FCHSD2: variants seen among roughly 807,000 people sequenced by gnomAD.
FCHSD2 encodes the protein FCH and double SH3 domains 2.
In FCHSD2, 38 loss-of-function variants were observed where a neutral mutation model predicts 108.1. The ratio of observed to expected loss-of-function variants is 0.35; its 90% CI spans 0.27 to 0.46. The LOEUF (loss-of-function observed/expected upper bound fraction) is 0.46. Ranked by LOEUF, FCHSD2 falls within the 20% of genes least tolerant of loss-of-function variation. FCHSD2 has a pLI of 1.00. For missense variants in FCHSD2, 751 were observed against 897.8 expected, an observed-to-expected ratio of 0.84 and a Z score of 2.09; for synonymous variants, 279 against 314.7, an observed-to-expected ratio of 0.89 and a Z score of 1.20.
At chr11:72,916,379 C>A (rs185081423) in intron 9 of FCHSD2, among the ~76,000 whole-genome samples, 2 of 144,912 alleles carry the variant, frequency 1.4e-5, no homozygotes, top group East Asian at 4.3e-4. Context: ...GTAGCATGAT[C>A]ATAGCCTGCT....
intron 11 of FCHSD2, among the ~76,000 whole-genome samples, chr11:72,888,987 C>T (rs540197933): frequency 1.3e-5 from 2 of 151,822 alleles, no homozygotes; most frequent in Non-Finnish European, 1.5e-5. Context: ...GACAGAGTCT[C>T]GCTGTCGCCC....
chr11:73,110,892 A>C (rs1565095516), intron 2 of FCHSD2, among the ~76,000 whole-genome samples: 1 of 151,948 alleles, frequency 6.6e-6, no homozygotes, highest in Non-Finnish European at 1.5e-5. Flanking sequence ...TGTTTTAATA[A>C]ATTTTTCAAT....
chr11:72,934,762 C>T (rs1856267003), intron 8 of FCHSD2, among the ~76,000 whole-genome samples: 1 of 151,978 alleles, frequency 6.6e-6, no homozygotes, highest in Non-Finnish European at 1.5e-5. Flanking sequence ...CTCCAATATG[C>T]AAAAACTTGG....
At chr11:73,097,877 T>C (rs377049362) in intron 2 of FCHSD2, among the ~76,000 whole-genome samples, 1 of 152,168 alleles carries the variant, frequency 6.6e-6, no homozygotes, top group African/African-American at 2.4e-5. Context: ...TCTTGCTATG[T>C]TATCCCAGTT....
intron 9 of FCHSD2, among the ~76,000 whole-genome samples, chr11:72,917,747 G>A (rs1433117287): frequency 1.3e-5 from 2 of 152,166 alleles, no homozygotes; most frequent in African/African-American, 4.8e-5. Flanking sequence ...AATTAGCCAG[G>A]CGTGGTGGCA....
chr11:72,956,299 A>C (rs1856709842), intron 8 of FCHSD2, among the ~76,000 whole-genome samples: 1 of 152,188 alleles, frequency 6.6e-6, no homozygotes, highest in Non-Finnish European at 1.5e-5. Flanking sequence ...AATGATGAAA[A>C]TAGAAAACCA....
chr11:73,044,576 C>T (rs918210039), intron 3 of FCHSD2, among the ~76,000 whole-genome samples: 5 of 151,826 alleles, frequency 3.3e-5, no homozygotes, highest in African/African-American at 1.2e-4. Flanking sequence ...GACCCCAGTC[C>T]CTTAAAAAAG....
chr11:73,000,858 A>T, intron 5 of FCHSD2, 132 bp downstream of exon 5: 1 of 720,716 alleles, frequency 1.4e-6, no homozygotes. Flanking sequence ...GAAATCAGAA[A>T]ATCCTAGTAA....
At chr11:72,841,026 G>T in intron 18 of FCHSD2, 67 bp from the exon 19 acceptor site, 2 of 1,203,718 alleles carry the variant, frequency 1.7e-6, no homozygotes, top group Non-Finnish European at 2.4e-6. Flanking sequence ...ATGCAAGGCT[G>T]GCATGGTGGC....
At chr11:73,109,281 G>C (rs1334396481) in intron 2 of FCHSD2, among the ~76,000 whole-genome samples, 2 of 152,128 alleles carry the variant, frequency 1.3e-5, no homozygotes, top group East Asian at 1.9e-4. Flanking sequence ...TATTTTGATA[G>C]GGATTGCATT....
At chr11:72,943,914 C>CA (rs758747289) in intron 8 of FCHSD2, among the ~76,000 whole-genome samples, 4 of 152,160 alleles carry the variant, frequency 2.6e-5, no homozygotes, top group Non-Finnish European at 5.9e-5. Context: ...ATTAAATACT[C>CA]AGACTTTAAT....
intron 3 of FCHSD2, among the ~76,000 whole-genome samples, chr11:73,031,774 A>C (rs1436926389): frequency 6.6e-6 from 1 of 152,234 alleles, no homozygotes; most frequent in Admixed American, 6.5e-5. Flanking sequence ...CATTACAGGT[A>C]ACCAACACAA....
chr11:73,140,462 C>A (rs1400986458), intron 1 of FCHSD2, among the ~76,000 whole-genome samples: 1 of 152,164 alleles, frequency 6.6e-6, no homozygotes, highest in Non-Finnish European at 1.5e-5. Flanking sequence ...TCTTCTATTT[C>A]TAAAAAAGAT....
chr11:73,022,989 T>C (rs1354679426), intron 3 of FCHSD2, among the ~76,000 whole-genome samples: 1 of 152,078 alleles, frequency 6.6e-6, no homozygotes, highest in African/African-American at 2.4e-5. Flanking sequence ...TGAATGACCA[T>C]AAACAACAAC....
At chr11:72,936,201 C>T (rs935954999) in intron 8 of FCHSD2, among the ~76,000 whole-genome samples, 1 of 152,116 alleles carries the variant, frequency 6.6e-6, no homozygotes, top group African/African-American at 2.4e-5. Context: ...TAGGGCTTAA[C>T]CATTTCTATG....
chr11:72,966,529 T>C (rs1856910162), intron 8 of FCHSD2, among the ~76,000 whole-genome samples: 1 of 152,210 alleles, frequency 6.6e-6, no homozygotes, highest in African/African-American at 2.4e-5. Context: ...AATACTTACT[T>C]GCCTGCATAG....
At chr11:72,891,831 A>G (rs1049874577) in intron 10 of FCHSD2, among the ~76,000 whole-genome samples, 1 of 152,236 alleles carries the variant, frequency 6.6e-6, no homozygotes, top group Non-Finnish European at 1.5e-5. Context: ...TTGGTAGGTT[A>G]TAATGAGGTC....
intron 11 of FCHSD2, among the ~76,000 whole-genome samples, chr11:72,888,686 T>G (rs1427040513): frequency 6.6e-6 from 1 of 151,830 alleles, no homozygotes; most frequent in Non-Finnish European, 1.5e-5. Context: ...AGGCATGATC[T>G]TACCTCAATG....
At chr11:72,940,548 T>C (rs1856394627) in intron 8 of FCHSD2, 4 of 1,052,106 alleles carry the variant, frequency 3.8e-6, no homozygotes, top group African/African-American at 1.5e-5. Context: ...AGTAGTCTCA[T>C]GTCATGCGCT....
Sources: allele counts gnomAD v4.1 joint callset (sites outside exome capture counted in the v4.1 genomes callset), GRCh38; gene constraint gnomAD v4.1.1; transcripts MANE v1.5; gene names NCBI Gene and HGNC (gene_info 2026-07-23, HGNC 2026-07-21).